TENM1: variants seen among roughly 807,000 people sequenced by gnomAD.
The protein encoded by TENM1 is teneurin-1.
A neutral mutation model predicts 174.8 loss-of-function variants in TENM1; 35 were observed. The ratio of observed to expected loss-of-function variants is 0.20; its 90% CI spans 0.15 to 0.27. The LOEUF is 0.27. Ranked by LOEUF, TENM1 falls within the 10% of genes least tolerant of loss-of-function variation. The probability of loss-of-function intolerance (pLI) is 1.00; values close to 1 mark genes in which losing one functional copy is unlikely to be tolerated. For synonymous variants in TENM1, 781 were observed against 798.7 expected (o/e 0.98, Z 0.37); for missense variants, 1,633 against 2,130.1 (o/e 0.77, Z 4.59).
At chrX:124,930,102 C>T (rs2058148069) in intron 1 of TENM1, among the ~76,000 whole-genome samples, 1 of 109,817 alleles carries the variant, frequency 9.1e-6, no homozygotes, top group Non-Finnish European at 1.9e-5. Flanking sequence ...TCTTCTTCCC[C>T]GCTGCCACCC....
the TENM1 span, among the ~76,000 whole-genome samples, chrX:125,142,531 T>C: frequency 2.7e-5 from 3 of 110,198 alleles, no homozygotes; most frequent in African/African-American, 9.9e-5. Context: ...TTGTTGTAGA[T>C]ATTGGGGTTC....
chrX:125,118,506 A>G, the TENM1 span, among the ~76,000 whole-genome samples: 5,855 of 111,881 alleles, frequency 0.052, 398 homozygotes, highest in African/African-American at 0.18. Flanking sequence ...TGTTTGCAAT[A>G]CATATATCTG....
intron 11 of TENM1, among the ~76,000 whole-genome samples, chrX:124,567,820 C>T (rs770460978): frequency 4.5e-5 from 5 of 111,680 alleles, no homozygotes; most frequent in Admixed American, 9.5e-5. Flanking sequence ...TTCCCCTTCA[C>T]GGCCTCCTCC....
chrX:124,680,538 A>G (rs973207004), intron 5 of TENM1, among the ~76,000 whole-genome samples: 2 of 110,701 alleles, frequency 1.8e-5, no homozygotes, highest in African/African-American at 6.6e-5. Flanking sequence ...AGACAGACAC[A>G]ATTATTTAGT....
intron 5 of TENM1, among the ~76,000 whole-genome samples, chrX:124,693,724 G>A (rs1196193465): frequency 2.8e-5 from 3 of 107,501 alleles, no homozygotes; most frequent in African/African-American, 1.0e-4. Flanking sequence ...TTTTATTGCT[G>A]TTTTTTTCTG....
chrX:124,537,139 G>A (rs890248365), intron 15 of TENM1, among the ~76,000 whole-genome samples: 1 of 111,207 alleles, frequency 9.0e-6, no homozygotes, highest in African/African-American at 3.3e-5. Flanking sequence ...TGCTCTTTAT[G>A]TAGGGTGGGA....
chrX:125,123,145 C>T, the TENM1 span, among the ~76,000 whole-genome samples: 1 of 111,460 alleles, frequency 9.0e-6, no homozygotes, highest in Non-Finnish European at 1.9e-5. Context: ...TAATTTAAGC[C>T]CTCTTTTTAA....
intron 1 of TENM1, among the ~76,000 whole-genome samples, chrX:124,933,887 T>C (rs766288820): frequency 1.8e-5 from 2 of 112,156 alleles, no homozygotes; most frequent in African/African-American, 3.2e-5. Flanking sequence ...TATATAATAT[T>C]ACTTGTACTA....
At chrX:125,153,924 T>A in the TENM1 span, among the ~76,000 whole-genome samples, 2 of 112,407 alleles carry the variant, frequency 1.8e-5, no homozygotes, top group Non-Finnish European at 1.9e-5. Context: ...TCTACTATTG[T>A]TGAGTGGTAT....
intron 3 of TENM1, among the ~76,000 whole-genome samples, chrX:124,881,047 G>T (rs1220067240): frequency 8.9e-6 from 1 of 111,805 alleles, no homozygotes; most frequent in Non-Finnish European, 1.9e-5. Flanking sequence ...TGGCCTTGTA[G>T]GATGAGTTAG....
intron 4 of TENM1, among the ~76,000 whole-genome samples, chrX:124,734,092 T>C (rs187171130): frequency 8.9e-6 from 1 of 111,762 alleles, no homozygotes; most frequent in Admixed American, 9.5e-5. Flanking sequence ...ATATACATTG[T>C]TCTTTGCATT....
intron 11 of TENM1, among the ~76,000 whole-genome samples, chrX:124,607,581 G>C (rs1265709117): frequency 9.0e-6 from 1 of 111,330 alleles, no homozygotes; most frequent in African/African-American, 3.3e-5. Flanking sequence ...AGGTTAGTAG[G>C]AGATGGTGTG....
chrX:124,558,403 G>T (rs1387527843), intron 14 of TENM1, among the ~76,000 whole-genome samples: 1 of 111,311 alleles, frequency 9.0e-6, no homozygotes, highest in Non-Finnish European at 1.9e-5. Context: ...GATTTTTTTT[G>T]ATTGGGAAGA....
chrX:124,696,349 C>G (rs1301450827), intron 5 of TENM1, among the ~76,000 whole-genome samples: 1 of 111,871 alleles, frequency 8.9e-6, no homozygotes, highest in Non-Finnish European at 1.9e-5. Context: ...CTTCTTGACT[C>G]TCTGCTAGGT....
intron 3 of TENM1, among the ~76,000 whole-genome samples, chrX:124,863,730 T>G (rs1332502012): frequency 8.9e-6 from 1 of 112,269 alleles, no homozygotes; most frequent in Non-Finnish European, 1.9e-5. Context: ...ACCAGCCAAT[T>G]GTAGAGCCCC....
At chrX:124,676,068 G>A (rs971654169) in intron 5 of TENM1, among the ~76,000 whole-genome samples, 1 of 104,758 alleles carries the variant, frequency 9.5e-6, no homozygotes, top group Non-Finnish European at 2.0e-5. Flanking sequence ...CCATAATCTT[G>A]TTACCTCAGT....
At chrX:125,087,130 T>C in the TENM1 span, among the ~76,000 whole-genome samples, 3 of 110,851 alleles carry the variant, frequency 2.7e-5, no homozygotes, top group Non-Finnish European at 3.8e-5. Flanking sequence ...ATAGAATATT[T>C]GTATAGATAG....
intron 1 of TENM1, among the ~76,000 whole-genome samples, chrX:124,930,237 T>A (rs2058150977): frequency 8.9e-6 from 1 of 112,406 alleles, no homozygotes. Flanking sequence ...ACAGTCTATA[T>A]TGTCTTGCTC....
At chrX:124,823,492 G>T (rs1480281148) in intron 3 of TENM1, among the ~76,000 whole-genome samples, 1 of 111,100 alleles carries the variant, frequency 9.0e-6, no homozygotes, top group Non-Finnish European at 1.9e-5. Context: ...TTTTGTCTTT[G>T]TGTTTTGATA....
Sources: allele counts gnomAD v4.1 joint callset (sites outside exome capture counted in the v4.1 genomes callset), GRCh38; gene constraint gnomAD v4.1.1; transcripts MANE v1.5; gene names NCBI Gene and HGNC (gene_info 2026-07-23, HGNC 2026-07-21).